Variants in NAV2 observed in about 807,000 individuals in gnomAD.
NAV2 encodes the protein helicase, APC down-regulated 1.
In NAV2, 54 loss-of-function variants were observed where a neutral mutation model predicts 223.2. The ratio of observed to expected loss-of-function variants is 0.24; its 90% confidence interval spans 0.19 to 0.30. The LOEUF (loss-of-function observed/expected upper bound fraction) is 0.30, where lower values mean the gene tolerates loss of function less well. NAV2 is among the 10% of genes least tolerant of loss of function. The pLI is 1.00. For synonymous variants in NAV2, 1,279 were observed against 1,239.3 expected, an observed-to-expected ratio of 1.03 and a Z score of -0.67; for missense variants, 2,806 against 3,147.5, an observed-to-expected ratio of 0.89 and a Z score of 2.60.
chr11:19,512,607 A>G (rs904350127), intron 1 of NAV2, among the ~76,000 whole-genome samples: 1 of 152,262 alleles, frequency 6.6e-6, no homozygotes, highest in Non-Finnish European at 1.5e-5. Flanking sequence ...TCAATTAACT[A>G]GAATGGGGCA....
intron 3 of NAV2, among the ~76,000 whole-genome samples, chr11:19,847,097 G>A (rs1190184332): frequency 1.3e-5 from 2 of 152,182 alleles, no homozygotes; most frequent in Admixed American, 1.3e-4. Flanking sequence ...TGGCTTTCAA[G>A]TGGTGTGTTC....
chr11:20,069,292 T>C (rs933118270), intron 22 of NAV2, among the ~76,000 whole-genome samples: 3 of 151,934 alleles, frequency 2.0e-5, no homozygotes, highest in Non-Finnish European at 2.9e-5. Flanking sequence ...TGGGTGTAAT[T>C]AGTGTCTATG....
At chr11:20,063,150 A>C (rs905043877) in intron 20 of NAV2, among the ~76,000 whole-genome samples, 2 of 152,244 alleles carry the variant, frequency 1.3e-5, no homozygotes, top group African/African-American at 4.8e-5. Context: ...CTAGAACAGT[A>C]CCTAGCACGT....
intron 17 of NAV2, among the ~76,000 whole-genome samples, chr11:20,053,470 A>G (rs963968107): frequency 1.3e-5 from 2 of 152,214 alleles, no homozygotes; most frequent in Admixed American, 6.5e-5. Flanking sequence ...AATCATCACC[A>G]TATACATTTC....
chr11:19,649,944 T>C (rs577988965), intron 1 of NAV2, among the ~76,000 whole-genome samples: 3 of 152,188 alleles, frequency 2.0e-5, no homozygotes, highest in East Asian at 1.9e-4. Context: ...ATAGCAAGTA[T>C]TGGCAACGAC....
chr11:20,032,727 C>T (rs1332760143), intron 11 of NAV2, among the ~76,000 whole-genome samples: 1 of 152,188 alleles, frequency 6.6e-6, no homozygotes, highest in African/African-American at 2.4e-5. Flanking sequence ...GAAACAGGCA[C>T]AGAAGCTGTG....
chr11:19,464,186 C>T (rs1394189886), intron 1 of NAV2, among the ~76,000 whole-genome samples: 1 of 152,174 alleles, frequency 6.6e-6, no homozygotes, highest in Non-Finnish European at 1.5e-5. Flanking sequence ...GAGCTGACTG[C>T]AGGCTACACT....
intron 1 of NAV2, among the ~76,000 whole-genome samples, chr11:19,498,907 C>G (rs1327597002): frequency 1.3e-5 from 2 of 152,322 alleles, no homozygotes; most frequent in Middle Eastern, 3.4e-3. Flanking sequence ...CTGTTATAAG[C>G]TTTTCTCCCA....
chr11:19,578,773 T>C (rs913100223), intron 1 of NAV2, among the ~76,000 whole-genome samples: 1 of 152,204 alleles, frequency 6.6e-6, no homozygotes, highest in African/African-American at 2.4e-5. Context: ...TTTTTTGCAC[T>C]ACAGGGCAGG....
At chr11:19,470,507 G>A (rs1564963052) in intron 1 of NAV2, among the ~76,000 whole-genome samples, 2 of 152,170 alleles carry the variant, frequency 1.3e-5, no homozygotes, top group Admixed American at 6.5e-5. Context: ...CCATGGCAAA[G>A]GAGAGAGAGA....
intron 1 of NAV2, among the ~76,000 whole-genome samples, chr11:19,809,668 C>G (rs1260031139): frequency 1.3e-5 from 2 of 152,194 alleles, no homozygotes; most frequent in Admixed American, 1.3e-4. Context: ...TTTCATTTAG[C>G]TCTCATGCAT....
intron 1 of NAV2, among the ~76,000 whole-genome samples, chr11:19,681,169 G>C (rs902283790): frequency 1.3e-5 from 2 of 152,202 alleles, no homozygotes; most frequent in African/African-American, 4.8e-5. Context: ...AGCTTCTGGG[G>C]ACAAGGTCAT....
chr11:19,558,245 G>A (rs1297962860), intron 1 of NAV2, among the ~76,000 whole-genome samples: 5 of 152,158 alleles, frequency 3.3e-5, no homozygotes, highest in East Asian at 1.9e-4. Context: ...ATTTGCTCAC[G>A]ATTCTGCAAT....
chr11:19,859,764 G>T (rs576279136), intron 3 of NAV2, among the ~76,000 whole-genome samples: 1 of 149,584 alleles, frequency 6.7e-6, no homozygotes, highest in Non-Finnish European at 1.5e-5. Context: ...CTGGCCGGGT[G>T]GGGGGCTGAC....
At position 20,121,561 on chromosome 11, in the gene NAV2, A is replaced by G. The variant is rs1158308689; in HGVS notation, c.*3303A>G. On this transcript the variant is annotated 3_prime_UTR_variant, in exon 38 of 38. Coordinates refer to ENST00000349880, the MANE Select transcript of NAV2 (RefSeq NM_145117.5). ...AAGCTGATGATTGTACCAGTCTTAA[A>G]TTATTCATGATTCAATAAAATTGAT... 1.3e-5 allele frequency: 2 copies of G among 152,648 alleles called. No individual in the cohort carries two copies. Among genetic ancestry groups the G allele is most frequent in the Non-Finnish European group, 2.9e-5 (2 of 68,048 alleles). 9.5% of individuals were successfully genotyped at this position (152,648 alleles called of 1,614,324 possible).
At chr11:20,025,337 A>G (rs910003325) in intron 11 of NAV2, among the ~76,000 whole-genome samples, 3 of 152,202 alleles carry the variant, frequency 2.0e-5, no homozygotes, top group African/African-American at 7.2e-5. Flanking sequence ...AACTCTGTTG[A>G]TGTTTAGGGG....
intron 29 of NAV2, among the ~76,000 whole-genome samples, chr11:20,093,900 T>A (rs2061034314): frequency 6.6e-6 from 1 of 152,210 alleles, no homozygotes. Context: ...CTCGAATAAA[T>A]GTAAAAAGGC....
intron 6 of NAV2, among the ~76,000 whole-genome samples, chr11:19,921,239 GT>G (rs1026591888): frequency 1.3e-5 from 2 of 151,840 alleles, no homozygotes; most frequent in Non-Finnish European, 2.9e-5. Flanking sequence ...TTTTTCTTCT[GT>G]TCCTGCACAT....
intron 10 of NAV2, among the ~76,000 whole-genome samples, chr11:19,960,707 G>A (rs930154938): frequency 1.3e-4 from 20 of 151,932 alleles, no homozygotes; most frequent in East Asian, 3.9e-4. Context: ...TCTGCCTCCC[G>A]CATTCAAGTG....
Sources: gnomAD v4.1 joint callset for allele counts (sites outside exome capture counted in the v4.1 genomes callset) on GRCh38, gnomAD v4.1.1 for gene constraint, MANE v1.5 for transcripts, NCBI Gene and HGNC (gene_info 2026-07-23, HGNC 2026-07-21) for gene names.